The following HS3ST4 variants were observed in gnomAD, a reference collection of about 807,000 sequenced individuals.
HS3ST4 encodes heparan sulfate glucosamine 3-O-sulfotransferase 4.
Under a neutral mutation model 29.2 loss-of-function variants are expected in HS3ST4, and 17 were observed. That is an observed-to-expected ratio of 0.58 (90% confidence interval 0.40 to 0.87). The LOEUF (loss-of-function observed/expected upper bound fraction) is 0.87. HS3ST4 is among the 40% of genes least tolerant of loss of function. The pLI, the probability that HS3ST4 is intolerant of heterozygous loss-of-function variation, is 0.00. For missense variants in HS3ST4, 627 were observed against 634.5 expected, an observed-to-expected ratio of 0.99 and a Z score of 0.13; for synonymous variants, 314 against 285.7, an observed-to-expected ratio of 1.10 and a Z score of -1.00.
chr16:26,134,343 TTTTC>T (rs2141817466), intron 1 of HS3ST4, among the ~76,000 whole-genome samples: 1 of 111,888 alleles, frequency 8.9e-6, no homozygotes, highest in East Asian at 2.3e-4. Context: ...TTTTCTTTTC[TTTTC>T]TTTTCTTTTC....
chr16:25,692,456 G>GCCTCCA lies in HS3ST4; in HGVS notation c.44_49dup (p.Pro15_Pro16dup), dbSNP rs1362888718. On this transcript the variant is annotated inframe_insertion, in exon 1 of 2. Transcript: ENST00000331351. ...CCGCACCTCCTCCGCCTCCGCCTCC[G>GCCTCCA]CCTCCACCTCTGGCCGCGCCGCCGC... 13 of 1,317,204 alleles carry GCCTCCA rather than the reference G, an allele frequency of 9.9e-6. No homozygotes were observed. The African/African-American group carries it at 1.4e-4, about 14-fold the overall frequency. The allele number at this position is 1,317,204 out of a possible 1,614,324, so 81.6% of individuals were successfully genotyped here.
intron 1 of HS3ST4, among the ~76,000 whole-genome samples, chr16:26,020,009 G>T (rs1227467258): frequency 6.6e-6 from 1 of 152,140 alleles, no homozygotes; most frequent in Non-Finnish European, 1.5e-5. Flanking sequence ...CACTTCTGGT[G>T]CTCCAGATAA....
chr16:25,724,168 A>T (rs1208883066), intron 1 of HS3ST4, among the ~76,000 whole-genome samples: 1 of 152,080 alleles, frequency 6.6e-6, no homozygotes, highest in African/African-American at 2.4e-5. Flanking sequence ...CCCCCAAAAA[A>T]TATAAACATT....
At chr16:26,036,296 G>C (rs1305143329) in intron 1 of HS3ST4, among the ~76,000 whole-genome samples, 1 of 152,246 alleles carries the variant, frequency 6.6e-6, no homozygotes, top group African/African-American at 2.4e-5. Context: ...AGCTGGGGCT[G>C]ACAGGAGTTT....
At position 25,692,982 on chromosome 16, in the gene HS3ST4, A is replaced by T; in HGVS notation, c.565A>T (p.Thr189Ser). Residue 189 changes from threonine to serine, a missense_variant, in exon 1 of 2, where the codon ACC (threonine) becomes TCC (serine). Thr to Ser is a moderately conservative substitution (Grantham distance 58). Transcript: ENST00000331351. ...GSSERGGAVS[T>S]PDYGEKKLPQ... ...CAGCGAGAGGGGCGGCGCCGTCAGCACCCCCGACTATGGGGAGAAGAAGCT... is the reference window on the plus strand; with the variant it reads ...CAGCGAGAGGGGCGGCGCCGTCAGCTCCCCCGACTATGGGGAGAAGAAGCT... The T allele has an allele frequency of 6.2e-7, 1 of 1,610,570 alleles. No individual in the cohort carries two copies. The highest frequency in any genetic ancestry group is 8.5e-7 in the Non-Finnish European group (1 of 1,179,128).
At chr16:25,907,778 A>G (rs1006732955) in intron 1 of HS3ST4, among the ~76,000 whole-genome samples, 5 of 152,200 alleles carry the variant, frequency 3.3e-5, no homozygotes, top group African/African-American at 7.2e-5. Flanking sequence ...TCCAAATCCA[A>G]CAGGCTTCAT....
chr16:25,725,426 C>T (rs1370677524), intron 1 of HS3ST4, among the ~76,000 whole-genome samples: 1 of 152,134 alleles, frequency 6.6e-6, no homozygotes, highest in Non-Finnish European at 1.5e-5. Context: ...AGAAAAATTA[C>T]ATTCTCCCAT....
chr16:25,702,209 C>G (rs1966338799), intron 1 of HS3ST4, among the ~76,000 whole-genome samples: 1 of 152,152 alleles, frequency 6.6e-6, no homozygotes, highest in South Asian at 2.1e-4. Flanking sequence ...TTAACTTTTC[C>G]TTTTTGGAAA....
chr16:25,721,936 G>A (rs1966499292), intron 1 of HS3ST4, among the ~76,000 whole-genome samples: 1 of 152,204 alleles, frequency 6.6e-6, no homozygotes, highest in African/African-American at 2.4e-5. Context: ...AAAGCTGCAA[G>A]GAAGACGTAG....
intron 1 of HS3ST4, chr16:25,886,728 A>C (rs1967957700): frequency 1.3e-5 from 2 of 152,256 alleles, no homozygotes. Flanking sequence ...GGGAACTGCA[A>C]GTAGTTCATT....
At chr16:26,098,259 A>G (rs1426837328) in intron 1 of HS3ST4, among the ~76,000 whole-genome samples, 3 of 152,244 alleles carry the variant, frequency 2.0e-5, no homozygotes, top group Non-Finnish European at 4.4e-5. Flanking sequence ...ATTATAAATC[A>G]TGCTACTATA....
chr16:25,857,397 T>TG (rs1201744556), intron 1 of HS3ST4, among the ~76,000 whole-genome samples: 2 of 152,196 alleles, frequency 1.3e-5, no homozygotes, highest in Non-Finnish European at 2.9e-5. Flanking sequence ...ATGGGAGTGA[T>TG]GGGTTGTCTA....
At chr16:26,038,350 T>G (rs1218732861) in intron 1 of HS3ST4, among the ~76,000 whole-genome samples, 1 of 148,510 alleles carries the variant, frequency 6.7e-6, no homozygotes. Context: ...ATAACACTTG[T>G]CATCACACGG....
At chr16:25,752,325 G>A (rs946005255) in intron 1 of HS3ST4, among the ~76,000 whole-genome samples, 7 of 152,120 alleles carry the variant, frequency 4.6e-5, no homozygotes, top group African/African-American at 1.7e-4. Flanking sequence ...AAATGCTTTG[G>A]GAGGGGGTGT....
At chr16:26,014,473 T>A (rs768531767) in intron 1 of HS3ST4, among the ~76,000 whole-genome samples, 2 of 152,218 alleles carry the variant, frequency 1.3e-5, no homozygotes, top group Non-Finnish European at 2.9e-5. Flanking sequence ...ATAGGTGGTT[T>A]CTCATTTCAC....
chr16:25,712,553 G>A (rs1204946723), intron 1 of HS3ST4, among the ~76,000 whole-genome samples: 1 of 151,792 alleles, frequency 6.6e-6, no homozygotes. Context: ...AACAAAAGAA[G>A]CACCATAAGA....
chr16:25,940,846 C>G (rs1316639434), intron 1 of HS3ST4, among the ~76,000 whole-genome samples: 11 of 152,198 alleles, frequency 7.2e-5, no homozygotes, highest in Admixed American at 7.2e-4. Context: ...CTGGCTTCCT[C>G]TCCATCTTCA....
chr16:26,064,695 G>A (rs558311622), intron 1 of HS3ST4, among the ~76,000 whole-genome samples: 1 of 136,402 alleles, frequency 7.3e-6, no homozygotes, highest in African/African-American at 2.7e-5. Flanking sequence ...TTGGCTCACC[G>A]CAACCTCTGC....
At position 25,692,960 on chromosome 16, in the gene HS3ST4, C is replaced by G. The variant is rs1966267604; in HGVS notation, c.543C>G (p.Ser181Arg). 6.2e-7 allele frequency: 1 copy of G among 1,610,282 alleles called. No homozygotes were observed. The highest frequency in any genetic ancestry group is 8.5e-7 in the Non-Finnish European group (1 of 1,178,968). ...GCCGGAGAGCGGCCAACGGGAGCAGCGAGAGGGGCGGCGCCGTCAGCACCC... is the reference window on the plus strand; with the variant it reads ...GCCGGAGAGCGGCCAACGGGAGCAGGGAGAGGGGCGGCGCCGTCAGCACCC... Reference protein sequence around the residue: ...LAGRRAANGSSERGGAVSTPD... With the variant: ...LAGRRAANGSRERGGAVSTPD... The change falls in exon 1 of 2, where the codon AGC (serine) becomes AGG (arginine). Residue 181 changes from serine (S) to arginine (R), a missense_variant. Transcript: ENST00000331351.
Sources: allele counts gnomAD v4.1 joint callset (sites outside exome capture counted in the v4.1 genomes callset), GRCh38; gene constraint gnomAD v4.1.1; transcripts MANE v1.5; gene names NCBI Gene and HGNC (gene_info 2026-07-23, HGNC 2026-07-21).